Variants in RNF43 observed in about 807,000 individuals in gnomAD.
RNF43 encodes the protein ring finger protein 43, also known as E3 ubiquitin-protein ligase RNF43.
RNF43 carries 37 observed loss-of-function variants against 78.4 expected under a neutral mutation model. The observed-to-expected ratio is 0.47, with a 90% confidence interval of 0.36 to 0.62. The LOEUF is 0.62. Among genes scored for constraint, RNF43 ranks in the 20% least tolerant of loss-of-function variants. The pLI is 0.00. For missense variants in RNF43, 774 were observed against 1,007.9 expected (o/e 0.77, Z 3.14); for synonymous variants, 347 against 395.0 (o/e 0.88, Z 1.44).
intron 2 of RNF43, among the ~76,000 whole-genome samples, chr17:58,397,964 T>G (rs1348441478): frequency 6.6e-6 from 1 of 152,220 alleles, no homozygotes; most frequent in Admixed American, 6.5e-5. Context: ...ACAAACAACT[T>G]TGTATCAGCC....
intron 2 of RNF43, among the ~76,000 whole-genome samples, chr17:58,382,566 C>T (rs747586340): frequency 6.6e-6 from 1 of 152,200 alleles, no homozygotes; most frequent in Non-Finnish European, 1.5e-5. Flanking sequence ...CAACCCTGAA[C>T]AAAACTCACT....
At position 58,415,456 on chromosome 17, in the gene RNF43, G is replaced by C. The variant is rs1974104271; in HGVS notation, c.122C>G (p.Ser41Ter). The C allele has an allele frequency of 6.2e-7, 1 of 1,614,160 alleles. No individual in the cohort carries two copies. Among genetic ancestry groups the C allele is most frequent in the Non-Finnish European group, 8.5e-7 (1 of 1,180,042 alleles). ...VLAAAVESER[S>*]AEQKAIIRVI... ...TCTGATAATAGCTTTCTGTTCTGCT[G>C]ATCTTTCAGACTCCACCGCTGCTGC... Residue 41 changes from serine (S) to a stop codon, truncating the protein, a stop_gained, in exon 2 of 10, where the codon TCA becomes TGA. Transcript: ENST00000407977. LOFTEE classifies it high-confidence loss of function.
intron 2 of RNF43, among the ~76,000 whole-genome samples, chr17:58,377,526 T>A (rs1973228502): frequency 6.6e-6 from 1 of 152,110 alleles, no homozygotes; most frequent in South Asian, 2.1e-4. Flanking sequence ...TCTCATTACC[T>A]CCTCACAAAG....
rs1356739562 is a variant in RNF43 at position 58,357,193 on chromosome 17, C to T, written c.2308+275G>A. The T allele has an allele frequency of 1.4e-6, 1 of 703,228 alleles. No homozygotes were observed. Among genetic ancestry groups the T allele is most frequent in the East Asian group, 2.7e-5 (1 of 37,284 alleles). The allele number at this position is 703,228 out of a possible 1,614,324, so 43.6% of individuals were successfully genotyped here. ...ACAGGCATGAGCCATCACACCCGGC[C>T]TTCCAAGTGCCTTTCTGATGCCTCA... On this transcript the variant is annotated intron_variant, in intron 9 of 9. Coordinates refer to ENST00000407977, the MANE Select transcript of RNF43 (RefSeq NM_017763.6). The surrounding 1 kb of genome is among the most constrained non-coding windows in gnomAD (Gnocchi z 4.5).
chr17:58,373,387 C>G (rs1406263860), intron 2 of RNF43, among the ~76,000 whole-genome samples: 1 of 152,170 alleles, frequency 6.6e-6, no homozygotes, highest in African/African-American at 2.4e-5. Flanking sequence ...AGCCACCAAA[C>G]TTGCCTGGTT....
At chr17:58,391,412 T>C (rs1019688876) in intron 2 of RNF43, among the ~76,000 whole-genome samples, 16 of 152,208 alleles carry the variant, frequency 1.1e-4, no homozygotes, top group African/African-American at 3.9e-4. Flanking sequence ...GATTTAGTTA[T>C]TGCTCCAATG....
intron 2 of RNF43, among the ~76,000 whole-genome samples, chr17:58,382,802 G>A (rs1395860662): frequency 6.6e-6 from 1 of 152,182 alleles, no homozygotes; most frequent in African/African-American, 2.4e-5. Flanking sequence ...CCATTTGTTA[G>A]ACAACACACA....
Position 58,380,937 on chromosome 17 carries a change from C to T in RNF43, c.253-9904G>A, listed in dbSNP as rs564257579. 2.0e-5 allele frequency among the ~76,000 whole-genome samples: 3 copies of T among 152,328 alleles called. No homozygotes were observed. In the East Asian group the frequency reaches 5.8e-4, roughly 29 times the overall value. On this transcript the variant is annotated intron_variant, in intron 2 of 9. Transcript: ENST00000407977. The stretch of plus-strand genomic sequence containing the variant: ...GAAGCCCTTTGAGGGCAGATACTGT[C>T]TCCAAATGGGCTGGCTCAATGAAAT...
chr17:58,374,109 C>G (rs1973155453), intron 2 of RNF43, among the ~76,000 whole-genome samples: 1 of 151,826 alleles, frequency 6.6e-6, no homozygotes, highest in African/African-American at 2.4e-5. Flanking sequence ...TTATTGTTCC[C>G]ATTTTAAAGA....
Position 58,355,059 on chromosome 17 carries a change from A to C in RNF43, c.2309-73T>G, listed in dbSNP as rs565039520. ...GGGACCTGCTTCTCTCGCCTGCAGCAGAGTGTGGCTGAGAGGGGACCACAG... is the reference window on the plus strand; with the variant it reads ...GGGACCTGCTTCTCTCGCCTGCAGCCGAGTGTGGCTGAGAGGGGACCACAG... On this transcript the variant is annotated intron_variant, in intron 9 of 9. Transcript: ENST00000407977. The C allele has an allele frequency of 6.7e-6, 9 of 1,334,242 alleles. No individual in the cohort carries two copies. In the African/African-American group the frequency reaches 1.3e-4, roughly 19 times the overall value. 82.7% of individuals were successfully genotyped at this position (1,334,242 alleles called of 1,614,324 possible).
At chr17:58,374,087 A>T (rs1279917930) in intron 2 of RNF43, among the ~76,000 whole-genome samples, 2 of 152,152 alleles carry the variant, frequency 1.3e-5, no homozygotes, top group East Asian at 3.9e-4. Flanking sequence ...CAACACTATC[A>T]GGTAGAGATT....
chr17:58,358,564 G>A lies in RNF43; in HGVS notation c.1212C>T (p.Arg404=), dbSNP rs2143419897. The part of the protein sequence containing the change: ...AHPRAPGEQQ[R]LAGAQHPYAQ... Reference sequence around the variant, plus strand: ...CATAGGGGTGCTGGGCTCCTGCCAGGCGCTGCTGCTCTCCTGGAGCCCGGG... The same window carrying A: ...CATAGGGGTGCTGGGCTCCTGCCAGACGCTGCTGCTCTCCTGGAGCCCGGG... Residue 404 remains arginine, a synonymous_variant, in exon 9 of 10, where the codon CGC becomes CGT. Coordinates refer to ENST00000407977, the MANE Select transcript of RNF43 (RefSeq NM_017763.6). This position sits in a 1 kb window ranked among gnomAD's most constrained non-coding sequence, Gnocchi z 6.2. 1 of 1,606,934 alleles carries A rather than the reference G, an allele frequency of 6.2e-7. No individual in the cohort carries two copies. Among genetic ancestry groups the A allele is most frequent in the Admixed American group, 1.7e-5 (1 of 59,364 alleles).
At position 58,414,030 on chromosome 17, in the gene RNF43, C is replaced by T. The variant is rs896006748; in HGVS notation, c.252+1296G>A. 5.3e-5 allele frequency among the ~76,000 whole-genome samples: 8 copies of T among 152,236 alleles called. No individual in the cohort carries two copies. The South Asian group carries it at 6.2e-4, about 12-fold the overall frequency. On this transcript the variant is annotated intron_variant, in intron 2 of 9. Coordinates refer to ENST00000407977, the MANE Select transcript of RNF43 (RefSeq NM_017763.6). ...TTATGAGTTCAGCTTTTAAGTATTC[C>T]TAATTCCATTTTAGAATCCAAATTA... is the stretch of plus-strand genomic sequence containing the variant.
At chr17:58,369,844 T>C (rs1973041780) in intron 3 of RNF43, among the ~76,000 whole-genome samples, 1 of 152,150 alleles carries the variant, frequency 6.6e-6, no homozygotes, top group African/African-American at 2.4e-5. Context: ...ACATGGCACA[T>C]TGTAAGCACA....
At position 58,354,717 on chromosome 17, in the gene RNF43, T is replaced by C. The variant is rs936516624; in HGVS notation, c.*226A>G. ...GCTGGTTGCCTGGCTGGACATGGAT[T>C]TGCTGCACTGCAGATGTTTTCTGCA... On this transcript the variant is annotated 3_prime_UTR_variant, in exon 10 of 10. Transcript: ENST00000407977. 9.5e-5 allele frequency: 54 copies of C among 568,764 alleles called. 1 individual carries two copies. Among genetic ancestry groups the C allele is most frequent in the Middle Eastern group, 9.1e-4 (2 of 2,190 alleles). 35.2% of individuals were successfully genotyped at this position (568,764 alleles called of 1,614,324 possible).
intron 2 of RNF43, among the ~76,000 whole-genome samples, chr17:58,390,836 C>T (rs1270670929): frequency 6.6e-6 from 1 of 152,176 alleles, no homozygotes; most frequent in Non-Finnish European, 1.5e-5. Flanking sequence ...AAATTTTAAA[C>T]AAAGGACTGA....
chr17:58,407,635 C>A (rs1223419748), intron 2 of RNF43, among the ~76,000 whole-genome samples: 1 of 152,022 alleles, frequency 6.6e-6, no homozygotes, highest in South Asian at 2.1e-4. Flanking sequence ...TTATTCAAAA[C>A]AAGCAAGCAA....
intron 2 of RNF43, among the ~76,000 whole-genome samples, chr17:58,399,267 AT>A (rs1273447727): frequency 6.6e-6 from 1 of 151,944 alleles, no homozygotes; most frequent in Non-Finnish European, 1.5e-5. Flanking sequence ...CTGAACACAG[AT>A]TTTTTTATAC....
At chr17:58,400,430 T>C (rs1013559204) in intron 2 of RNF43, among the ~76,000 whole-genome samples, 1 of 152,236 alleles carries the variant, frequency 6.6e-6, no homozygotes, top group African/African-American at 2.4e-5. Flanking sequence ...ATATTTCTGA[T>C]AGTAATTAGG....
Sources: allele counts gnomAD v4.1 joint callset (sites outside exome capture counted in the v4.1 genomes callset), GRCh38; gene constraint gnomAD v4.1.1; non-coding constraint Gnocchi (gnomAD v3.1); transcripts MANE v1.5; gene names NCBI Gene and HGNC (gene_info 2026-07-23, HGNC 2026-07-21).